AGBL1: variants seen among roughly 807,000 people sequenced by gnomAD.
The protein encoded by AGBL1 is cytosolic carboxypeptidase 4.
Under a neutral mutation model 118.9 loss-of-function variants are expected in AGBL1, and 130 were observed. That is an observed-to-expected ratio of 1.09 (90% CI 0.95 to 1.26). The LOEUF (loss-of-function observed/expected upper bound fraction) is 1.26, where lower values mean the gene tolerates loss of function less well. AGBL1 is among the 50% of genes most tolerant of loss of function. The pLI is 0.00. For synonymous variants in AGBL1, 555 were observed against 478.9 expected, an observed-to-expected ratio of 1.16 and a Z score of -2.08; for missense variants, 1,584 against 1,298.1, an observed-to-expected ratio of 1.22 and a Z score of -3.38.
At chr15:86,979,501 G>GA (rs2081207709) in intron 23 of AGBL1, among the ~76,000 whole-genome samples, 1 of 140,140 alleles carries the variant, frequency 7.1e-6, no homozygotes, top group South Asian at 2.2e-4. Context: ...TTTTTTTGGC[G>GA]GGGGGGAGAT....
intron 1 of AGBL1, among the ~76,000 whole-genome samples, chr15:86,110,817 G>A (rs1240323377): frequency 6.6e-6 from 1 of 152,202 alleles, no homozygotes; most frequent in South Asian, 2.1e-4. Context: ...CAGTGTCAGG[G>A]CAGATGGGGA....
At chr15:86,846,099 A>G (rs531428006) in intron 22 of AGBL1, among the ~76,000 whole-genome samples, 7 of 151,952 alleles carry the variant, frequency 4.6e-5, no homozygotes, top group Admixed American at 3.9e-4. Flanking sequence ...ATATACTTAG[A>G]TTTTCTTTTC....
rs189094776 is a variant in AGBL1, at chr15:86,983,521, C to T, written c.3222-4466C>T. On this transcript the variant is annotated intron_variant, in intron 23 of 24. Transcript: ENST00000441037. ...TTTGTCTTTCCTGACTATGTTAACC[C>T]CTCTTTTGAATTTTTAAAAACTCAG... Among the ~76,000 whole-genome samples, 138 of 152,146 alleles carry T rather than the reference C, an allele frequency of 9.1e-4. 1 individual carries two copies. The highest frequency in any genetic ancestry group is 3.3e-3 in the African/African-American group (137 of 41,512).
chr15:86,096,899 T>C (rs1337498820), intron 1 of AGBL1, among the ~76,000 whole-genome samples: 4 of 152,158 alleles, frequency 2.6e-5, no homozygotes, highest in Non-Finnish European at 5.9e-5. Flanking sequence ...AGTTTCTTAA[T>C]CAGATATCTT....
chr15:86,528,299 G>A (rs1291773918), intron 19 of AGBL1, among the ~76,000 whole-genome samples: 1 of 152,244 alleles, frequency 6.6e-6, no homozygotes, highest in Non-Finnish European at 1.5e-5. Context: ...CACCTGGGAA[G>A]CGCAAGGGGT....
chr15:86,093,371 A>G (rs2141471690), intron 1 of AGBL1, among the ~76,000 whole-genome samples: 1 of 152,306 alleles, frequency 6.6e-6, no homozygotes. Context: ...TGATTTAAAA[A>G]CCAGGCATTA....
intron 9 of AGBL1, among the ~76,000 whole-genome samples, chr15:86,259,517 G>T (rs888281000): frequency 7.9e-5 from 12 of 152,098 alleles, no homozygotes; most frequent in Non-Finnish European, 1.3e-4. Flanking sequence ...TAGAAAGAAA[G>T]AGGCTTTTGA....
intron 22 of AGBL1, among the ~76,000 whole-genome samples, chr15:86,795,387 G>A (rs1228669045): frequency 3.3e-5 from 5 of 152,082 alleles, no homozygotes; most frequent in African/African-American, 9.6e-5. Context: ...AGAAATGCTC[G>A]TCCTTGAAAT....
intron 23 of AGBL1, among the ~76,000 whole-genome samples, chr15:86,983,733 G>C (rs2081253594): frequency 1.3e-5 from 2 of 152,278 alleles, no homozygotes; most frequent in Middle Eastern, 3.4e-3. Flanking sequence ...ACCAGTATCA[G>C]CTGTCAATAT....
intron 18 of AGBL1, among the ~76,000 whole-genome samples, chr15:86,461,399 C>G (rs576181865): frequency 1.3e-5 from 2 of 152,222 alleles, no homozygotes; most frequent in East Asian, 1.9e-4. Flanking sequence ...CAGTGAGCCC[C>G]TTTTATGCCT....
Position 86,270,046 on chromosome 15 carries a change from C to T in AGBL1, c.1966C>T (p.Pro656Ser). The T allele has an allele frequency of 6.2e-7, 1 of 1,612,538 alleles. No individual in the cohort carries two copies. The highest frequency in any genetic ancestry group is 8.5e-7 in the Non-Finnish European group (1 of 1,179,326). The change falls in exon 14 of 23, where the codon CCC becomes TCC. Residue 656 changes from proline (P) to serine (S), a missense_variant. By Grantham distance (74) the Pro-to-Ser change is moderately conservative. Coordinates refer to ENST00000614907, the MANE Select transcript of AGBL1 (RefSeq NM_001386094.1). ...CTTCAACATCATCAACTGTGAGAAG[C>T]CCAACAGCCAGTTTAATTATGGTAT... ...YHFNIINCEK[P>S]NSQFNYGMQP...
At position 86,264,295 on chromosome 15, in the gene AGBL1, A is replaced by G. The variant is rs2142033491; in HGVS notation, c.1124A>G (p.Glu375Gly). The change falls in exon 11 of 23, where the codon GAA becomes GGA. Residue 375 changes from glutamate (E) to glycine (G), a missense_variant. Glu to Gly is a moderately conservative substitution (Grantham distance 98, BLOSUM62 -2). Coordinates refer to ENST00000614907, the MANE Select transcript of AGBL1 (RefSeq NM_001386094.1). The part of the protein sequence containing the change: ...QSKLGDDLNS[E>G]KTQYANHHHI... ...AAACTTGGAGATGATTTGAACTCTG[A>G]AAAGACTCAGTATGCCAATCACCAC... The G allele has an allele frequency of 6.2e-7, 1 of 1,607,892 alleles. No homozygotes were observed. Among genetic ancestry groups the G allele is most frequent in the East Asian group, 2.2e-5 (1 of 44,742 alleles).
At chr15:86,174,196 GT>G (rs1373992172) in intron 5 of AGBL1, among the ~76,000 whole-genome samples, 1 of 151,776 alleles carries the variant, frequency 6.6e-6, no homozygotes, top group African/African-American at 2.4e-5. Context: ...TAGGCATTTT[GT>G]TATTTTTTGT....
intron 18 of AGBL1, among the ~76,000 whole-genome samples, chr15:86,479,535 A>G (rs916254388): frequency 2.3e-4 from 35 of 152,308 alleles, no homozygotes; most frequent in African/African-American, 7.7e-4. Flanking sequence ...ATGAGATACC[A>G]TCTCCCACCA....
chr15:86,280,253 A>C (rs1455531756), intron 16 of AGBL1, among the ~76,000 whole-genome samples: 1 of 152,166 alleles, frequency 6.6e-6, no homozygotes, highest in Non-Finnish European at 1.5e-5. Context: ...CAGCATCTCC[A>C]GTGGTTCCAA....
At chr15:86,751,548 A>G (rs1188621493) in intron 22 of AGBL1, among the ~76,000 whole-genome samples, 1 of 152,140 alleles carries the variant, frequency 6.6e-6, no homozygotes, top group Non-Finnish European at 1.5e-5. Context: ...TAAACTAAGG[A>G]GCTTCTGCAC....
intron 24 of AGBL1, among the ~76,000 whole-genome samples, chr15:86,998,912 T>C (rs1362976859): frequency 6.6e-6 from 1 of 151,316 alleles, no homozygotes; most frequent in African/African-American, 2.4e-5. Context: ...GTGCACAACA[T>C]GCAGGTTTGT....
intron 11 of AGBL1, among the ~76,000 whole-genome samples, chr15:86,265,492 C>T (rs1336913982): frequency 2.6e-5 from 4 of 152,098 alleles, no homozygotes; most frequent in Admixed American, 2.0e-4. Context: ...CATTATTCTC[C>T]TTGAAAAAAA....
rs542186794 is a variant in AGBL1, at chr15:86,445,141, G to T, written c.2555+47595G>T. ...GGCTTACATTAAAGGCCTCAGACAG[G>T]GGTCAAGAACAATCACACTGGCACT... On this transcript the variant is annotated intron_variant, in intron 18 of 22. Transcript: ENST00000614907. Among the ~76,000 whole-genome samples, 30 of 152,268 alleles carry T rather than the reference G, an allele frequency of 2.0e-4. No individual in the cohort carries two copies. The South Asian group carries it at 6.2e-3, about 32-fold the overall frequency.
Sources: allele counts gnomAD v4.1 joint callset (sites outside exome capture counted in the v4.1 genomes callset), GRCh38; gene constraint gnomAD v4.1.1; transcripts MANE v1.5; gene names NCBI Gene and HGNC (gene_info 2026-07-23, HGNC 2026-07-21).